Variants in MARCHF2 observed in about 807,000 individuals in gnomAD.
The protein encoded by MARCHF2 is membrane associated ring-CH-type finger 2.
Under a neutral mutation model 24.0 loss-of-function variants are expected in MARCHF2, and 22 were observed. That is an observed-to-expected ratio of 0.92 (90% confidence interval 0.66 to 1.31). MARCHF2 has a LOEUF of 1.31. Ranked by LOEUF, MARCHF2 falls within the 50% of genes most tolerant of loss-of-function variation. The pLI, the probability that MARCHF2 is intolerant of heterozygous loss-of-function variation, is 0.00. For missense variants in MARCHF2, 301 were observed against 335.3 expected, an observed-to-expected ratio of 0.90 and a Z score of 0.80; for synonymous variants, 154 against 153.0, an observed-to-expected ratio of 1.01 and a Z score of -0.05.
chr19:8,425,082 A>G (rs1165559323), intron 2 of MARCHF2, among the ~76,000 whole-genome samples: 1 of 152,016 alleles, frequency 6.6e-6, no homozygotes, highest in African/African-American at 2.4e-5. Flanking sequence ...AAGTCTTTAA[A>G]AAAAATTTTG....
intron 4 of MARCHF2, among the ~76,000 whole-genome samples, chr19:8,432,740 G>A (rs2145567955): frequency 6.6e-6 from 1 of 152,126 alleles, no homozygotes; most frequent in East Asian, 1.9e-4. Context: ...GCAGTGAGCT[G>A]TGATCACACT....
At chr19:8,437,699 TTTGCACGTTCTGG>T (rs145571195) in intron 4 of MARCHF2, among the ~76,000 whole-genome samples, 5,732 of 150,296 alleles carry the variant, frequency 0.038, 228 homozygotes, top group African/African-American at 0.1. Flanking sequence ...TTTTTTTTTG[TTTGCACGTTCTGG>T]TTGCACGTTT....
rs935508742 is a variant in MARCHF2, at chr19:8,433,257, A to G, written c.582+2390A>G. Among the ~76,000 whole-genome samples the G allele has an allele frequency of 2.2e-4, 34 of 151,528 alleles. 1 individual carries two copies. The highest frequency in any genetic ancestry group is 2.0e-3 in the Admixed American group (30 of 15,160). The stretch of plus-strand genomic sequence containing the variant: ...TATTAATAAAAGAAAAAGGAAAAAA[A>G]AAAGGCTGGGTGCAGTGGCTCATGC... On this transcript the variant is annotated intron_variant, in intron 4 of 4. Coordinates refer to ENST00000215555, the MANE Select transcript of MARCHF2 (RefSeq NM_001005415.2).
intron 4 of MARCHF2, among the ~76,000 whole-genome samples, chr19:8,437,258 G>A (rs1007166936): frequency 4.6e-5 from 7 of 151,986 alleles, no homozygotes; most frequent in Admixed American, 6.6e-5. Context: ...GGGATTACAG[G>A]CATGAGCCAC....
At chr19:8,415,194 C>T (rs1274889165) in intron 1 of MARCHF2, among the ~76,000 whole-genome samples, 1 of 151,388 alleles carries the variant, frequency 6.6e-6, no homozygotes, top group African/African-American at 2.4e-5. Context: ...GCCAGGAGTT[C>T]AGGACCAGCC....
chr19:8,426,547 T>A, intron 2 of MARCHF2, 62 bp from the exon 3 acceptor site: 1 of 1,370,962 alleles, frequency 7.3e-7, no homozygotes. Flanking sequence ...ATCCAGTGGG[T>A]AGTGAAGCAG....
chr19:8,417,778 T>C (rs12984311), intron 1 of MARCHF2, among the ~76,000 whole-genome samples: 1 of 60,842 alleles, frequency 1.6e-5, no homozygotes, highest in African/African-American at 5.7e-5. Flanking sequence ...TTTTTTTTTT[T>C]TGAGAAAGAA....
Position 8,438,853 on chromosome 19 carries a change from G to A in MARCHF2, c.*307G>A, listed in dbSNP as rs1044155939. 3 of 259,930 alleles carry A rather than the reference G, an allele frequency of 1.2e-5. No homozygotes were observed. Among genetic ancestry groups the A allele is most frequent in the South Asian group, 9.8e-5 (1 of 10,196 alleles). The allele number at this position is 259,930 out of a possible 1,614,324, so 16.1% of individuals were successfully genotyped here. On this transcript the variant is annotated 3_prime_UTR_variant, in exon 5 of 5. Transcript: ENST00000215555. ...ACCTTCTGGGCCAGCAGCTGTGGCC[G>A]GTGTATCAAGGGCGCCCTTAAAGCT...
chr19:8,427,816 CAA>C (rs35518866), intron 3 of MARCHF2: 89,477 of 132,704 alleles, frequency 0.67, 29,911 homozygotes, highest in Admixed American at 0.72. Context: ...ACAAAAAATA[CAA>C]AAAAAAAAAA....
intron 1 of MARCHF2, among the ~76,000 whole-genome samples, chr19:8,415,750 A>AAAC (rs1568233733): frequency 6.8e-6 from 1 of 146,104 alleles, no homozygotes; most frequent in Non-Finnish European, 1.5e-5. Flanking sequence ...AAAACAAAAA[A>AAAC]AAAAACCAGA....
intron 4 of MARCHF2, among the ~76,000 whole-genome samples, chr19:8,436,594 T>C (rs1967728646): frequency 6.6e-6 from 1 of 151,862 alleles, no homozygotes; most frequent in Non-Finnish European, 1.5e-5. Flanking sequence ...ATAGTTGGAG[T>C]CATTCAGTAT....
intron 4 of MARCHF2, among the ~76,000 whole-genome samples, chr19:8,431,497 C>CAAA (rs60782968): frequency 0.084 from 4,622 of 55,212 alleles, 213 homozygotes; most frequent in Non-Finnish European, 0.11. Context: ...AACTCGATCT[C>CAAA]AAAAAAAAAA....
chr19:8,431,731 G>C (rs919600319), intron 4 of MARCHF2, among the ~76,000 whole-genome samples: 5 of 151,798 alleles, frequency 3.3e-5, no homozygotes, highest in African/African-American at 1.2e-4. Flanking sequence ...CCAGCTACTC[G>C]GGAGGCTGAG....
Position 8,424,673 on chromosome 19 carries a change from G to GA in MARCHF2, c.177-1925dup, listed in dbSNP as rs776136572. ...CAGAGCAACACTGTCTCAAAAAAAA[G>GA]AAAAAAAAAAATCTACCTTTCCCTG... On this transcript the variant is annotated intron_variant, in intron 2 of 4. Coordinates refer to ENST00000215555, the MANE Select transcript of MARCHF2 (RefSeq NM_001005415.2). 2.1e-3 allele frequency among the ~76,000 whole-genome samples: 303 copies of GA among 145,218 alleles called. 1 individual carries two copies. Among genetic ancestry groups the GA allele is most frequent in the African/African-American group, 6.2e-3 (246 of 39,892 alleles).
chr19:8,415,744 C>CAAAAAA (rs542384304), intron 1 of MARCHF2, among the ~76,000 whole-genome samples: 3 of 96,192 alleles, frequency 3.1e-5, no homozygotes, highest in Non-Finnish European at 4.2e-5. Context: ...ACAAAAAAAA[C>CAAAAAA]AAAAAAAAAA....
At chr19:8,428,085 C>G (rs946939981) in intron 3 of MARCHF2, among the ~76,000 whole-genome samples, 1 of 152,146 alleles carries the variant, frequency 6.6e-6, no homozygotes, top group African/African-American at 2.4e-5. Context: ...ATGGTGAAAC[C>G]CCATCTCTAC....
intron 4 of MARCHF2, among the ~76,000 whole-genome samples, chr19:8,435,871 G>T (rs1967706544): frequency 7.0e-6 from 1 of 143,082 alleles, no homozygotes. Flanking sequence ...TGTGTGGCGG[G>T]GAGGGGATAG....
In MARCHF2 at chr19:8,430,011, G is replaced by C. The variant is rs1239270656; in HGVS notation, c.373-647G>C. On this transcript the variant is annotated intron_variant, in intron 3 of 4. Transcript: ENST00000215555. The surrounding 1 kb of genome is among the most constrained non-coding windows in gnomAD (Gnocchi z 4.4). ...CTCAGTTTCCCCATCTGTAAAATGG[G>C]GGTAAATGTGCCCAGCACCTGGCAG... Among the ~76,000 whole-genome samples the C allele has an allele frequency of 6.6e-6, 1 of 151,878 alleles. No homozygotes were observed. The highest frequency in any genetic ancestry group is 2.1e-4 in the South Asian group (1 of 4,818).
chr19:8,421,382 C>CTTTTTTTTTTTTTTTTTTT (rs1254772289), intron 1 of MARCHF2, among the ~76,000 whole-genome samples: 124 of 111,630 alleles, frequency 1.1e-3, no homozygotes, highest in Non-Finnish European at 1.7e-3. Flanking sequence ...TCTTTCTTTT[C>CTTTTTTTTTTTTTTTTTTT]TTTTTTTTTT....
Sources: allele counts gnomAD v4.1 joint callset (sites outside exome capture counted in the v4.1 genomes callset), GRCh38; gene constraint gnomAD v4.1.1; non-coding constraint Gnocchi (gnomAD v3.1); transcripts MANE v1.5; gene names NCBI Gene and HGNC (gene_info 2026-07-23, HGNC 2026-07-21).